RBFOX3: variants seen among roughly 807,000 people sequenced by gnomAD.
RBFOX3 encodes RNA binding protein fox-1 homolog 3.
RBFOX3 carries 17 observed loss-of-function variants against 48.7 expected under a neutral mutation model. That is an observed-to-expected ratio of 0.35 (90% confidence interval 0.24 to 0.52). The LOEUF (loss-of-function observed/expected upper bound fraction) is 0.52. Ranked by LOEUF, RBFOX3 falls within the 20% of genes least tolerant of loss-of-function variation. RBFOX3 has a pLI of 0.94. For missense variants in RBFOX3, 382 were observed against 497.5 expected (o/e 0.77, Z 2.21); for synonymous variants, 212 against 209.5 (o/e 1.01, Z -0.10).
At chr17:79,653,764 G>GTT in the RBFOX3 span, among the ~76,000 whole-genome samples, 33,921 of 146,842 alleles carry the variant, frequency 0.23, 4,528 homozygotes, top group African/African-American at 0.35. Flanking sequence ...GCATGTCGTG[G>GTT]TTTTTTTTTT....
chr17:79,444,373 C>T (rs1307011262), intron 2 of RBFOX3, among the ~76,000 whole-genome samples: 3 of 152,138 alleles, frequency 2.0e-5, no homozygotes, highest in Admixed American at 6.5e-5. Flanking sequence ...AGGTTGGAAG[C>T]AGCTGGGCAT....
At position 79,483,885 on chromosome 17, in the gene RBFOX3, G is replaced by A. The variant is rs772979155; in HGVS notation, c.-319-1287C>T. ...ATCACACCGGAGAGCAGGAATTCCC[G>A]GGATATGGAGGGGACTGAAGGATTC... On this transcript the variant is annotated intron_variant, in intron 1 of 14. Transcript: ENST00000693108. 1.8e-3 allele frequency among the ~76,000 whole-genome samples: 270 copies of A among 152,280 alleles called. 2 individuals carry two copies. The highest frequency in any genetic ancestry group is 5.3e-3 in the African/African-American group (220 of 41,564).
the RBFOX3 span, among the ~76,000 whole-genome samples, chr17:79,633,354 G>A: frequency 1.3e-5 from 2 of 152,262 alleles, no homozygotes; most frequent in African/African-American, 2.4e-5. Flanking sequence ...AACCGGAGAA[G>A]CTCTGGGCTC....
intron 2 of RBFOX3, among the ~76,000 whole-genome samples, chr17:79,468,179 T>A (rs1226583565): frequency 6.6e-6 from 1 of 152,186 alleles, no homozygotes; most frequent in Non-Finnish European, 1.5e-5. Flanking sequence ...CAAAGGAGGA[T>A]GAAGTTTCCA....
chr17:79,114,599 G>C (rs899378808), intron 5 of RBFOX3, among the ~76,000 whole-genome samples: 1 of 152,232 alleles, frequency 6.6e-6, no homozygotes, highest in South Asian at 2.1e-4. Context: ...TGAGGCAGTC[G>C]GGAGGGGGAC....
intron 3 of RBFOX3, among the ~76,000 whole-genome samples, chr17:79,263,860 G>A (rs1312163537): frequency 6.6e-6 from 1 of 152,140 alleles, no homozygotes; most frequent in Non-Finnish European, 1.5e-5. Context: ...TTGCAGATAT[G>A]ACTAAATGAA....
intron 4 of RBFOX3, chr17:79,234,025 G>C (rs2061346335): frequency 6.6e-6 from 1 of 152,266 alleles, no homozygotes; most frequent in Admixed American, 6.5e-5. Context: ...GACGGCTGCT[G>C]CCCTCCTCGT....
At chr17:79,604,908 C>A (rs1030872376) in intron 1 of RBFOX3, among the ~76,000 whole-genome samples, 1 of 152,174 alleles carries the variant, frequency 6.6e-6, no homozygotes, top group Non-Finnish European at 1.5e-5. Flanking sequence ...GCCCAGGAAT[C>A]GGCATTTGCT....
chr17:79,532,852 C>T (rs1045931989), intron 1 of RBFOX3, among the ~76,000 whole-genome samples: 15 of 152,194 alleles, frequency 9.9e-5, no homozygotes, highest in East Asian at 3.9e-4. Context: ...CACGCATGCA[C>T]GCCGCCTGTC....
At position 79,464,464 on chromosome 17, in the gene RBFOX3, G is replaced by A. The variant is rs77949630; in HGVS notation, c.-175+17990C>T. The stretch of plus-strand genomic sequence containing the variant: ...GTCACGTGCACCTCGGCCCACAGAG[G>A]AAGGATGCCCAGTACATCTGTCGGG... On this transcript the variant is annotated intron_variant, in intron 2 of 14. Coordinates refer to ENST00000693108, the MANE Select transcript of RBFOX3 (RefSeq NM_001350451.2). Among the ~76,000 whole-genome samples, 798 of 152,368 alleles carry A rather than the reference G, an allele frequency of 5.2e-3. 4 individuals are homozygous for A. Among genetic ancestry groups the A allele is most frequent in the Middle Eastern group, 0.027 (8 of 294 alleles).
chr17:79,629,619 A>G, the RBFOX3 span, among the ~76,000 whole-genome samples: 1 of 152,224 alleles, frequency 6.6e-6, no homozygotes, highest in East Asian at 1.9e-4. Context: ...TTTAACCTTT[A>G]ACTCGGCAAT....
chr17:79,093,791 C>CCCCACACA (rs112110060), intron 14 of RBFOX3, among the ~76,000 whole-genome samples: 9 of 143,820 alleles, frequency 6.3e-5, no homozygotes, highest in African/African-American at 2.3e-4. Flanking sequence ...CAACAGCTGG[C>CCCCACACA]CACACACACA....
At chr17:79,168,921 A>C (rs1403760745) in intron 4 of RBFOX3, among the ~76,000 whole-genome samples, 1 of 152,194 alleles carries the variant, frequency 6.6e-6, no homozygotes, top group Non-Finnish European at 1.5e-5. Context: ...TACTCACAGT[A>C]CCAGATCCGT....
chr17:79,401,189 GA>G (rs539530815), intron 2 of RBFOX3, among the ~76,000 whole-genome samples: 1 of 152,332 alleles, frequency 6.6e-6, no homozygotes, highest in Non-Finnish European at 1.5e-5. Context: ...ACGATCAAAG[GA>G]AAGATAAGAA....
At chr17:79,181,593 A>G (rs988260772) in intron 4 of RBFOX3, among the ~76,000 whole-genome samples, 2 of 152,030 alleles carry the variant, frequency 1.3e-5, no homozygotes, top group African/African-American at 4.8e-5. Context: ...AGATGGCACC[A>G]AAGATCAAGG....
rs1299681977 is a variant in RBFOX3 at position 79,208,189 on chromosome 17, C to T, written c.-34+27577G>A. ...CAGAGCTGAGATGCTGCTGGCAGTGCGGGTCTCCAGCTGTCAGCCCCGAGC... is the reference window on the plus strand; with the variant it reads ...CAGAGCTGAGATGCTGCTGGCAGTGTGGGTCTCCAGCTGTCAGCCCCGAGC... On this transcript the variant is annotated intron_variant, in intron 4 of 14. Coordinates refer to ENST00000693108, the MANE Select transcript of RBFOX3 (RefSeq NM_001350451.2). Among the ~76,000 whole-genome samples, 106 of 152,316 alleles carry T rather than the reference C, an allele frequency of 7.0e-4. 1 individual carries two copies. Among genetic ancestry groups the T allele is most frequent in the Non-Finnish European group, 8.8e-5 (6 of 68,028 alleles).
rs934292163 is a variant in RBFOX3, at chr17:79,553,835, C to T, written c.-320+56991G>A. ...ACAACCTCTGCCTCCTGGGTGCAAG[C>T]GATTCTCCTGCCTCAGCCTCCCAAG... On this transcript the variant is annotated intron_variant, in intron 1 of 14. Transcript: ENST00000693108. Among the ~76,000 whole-genome samples, 13 of 152,148 alleles carry T rather than the reference C, an allele frequency of 8.5e-5. No homozygotes were observed. The Middle Eastern group carries it at 0.01, about 119-fold the overall frequency.
chr17:79,336,960 T>C (rs2081290706), intron 2 of RBFOX3, among the ~76,000 whole-genome samples: 1 of 151,854 alleles, frequency 6.6e-6, no homozygotes, highest in African/African-American at 2.4e-5. Flanking sequence ...TCTCTACTAA[T>C]AATACAAAAA....
chr17:79,586,982 T>A (rs1031002868), intron 1 of RBFOX3, among the ~76,000 whole-genome samples: 1 of 152,090 alleles, frequency 6.6e-6, no homozygotes, highest in Non-Finnish European at 1.5e-5. Flanking sequence ...CTGGGAAAAA[T>A]TCCACACTGG....
Sources: gnomAD v4.1 joint callset for allele counts (sites outside exome capture counted in the v4.1 genomes callset) on GRCh38, gnomAD v4.1.1 for gene constraint, MANE v1.5 for transcripts, NCBI Gene and HGNC (gene_info 2026-07-23, HGNC 2026-07-21) for gene names.